The following ACAD9 variants were observed in gnomAD, a reference collection of about 807,000 sequenced individuals.
ACAD9 encodes acyl-CoA dehydrogenase family member 9, also known as complex I assembly factor ACAD9, mitochondrial.
Under a neutral mutation model 70.2 loss-of-function variants are expected in ACAD9, and 53 were observed. That is an observed-to-expected ratio of 0.75 (90% CI 0.61 to 0.95). The LOEUF (loss-of-function observed/expected upper bound fraction) is 0.95, where lower values mean the gene tolerates loss of function less well. Among genes scored for constraint, ACAD9 ranks in the 40% least tolerant of loss-of-function variants. ACAD9 has a pLI of 0.00. For missense variants in ACAD9, 777 were observed against 802.8 expected (o/e 0.97, Z 0.39); for synonymous variants, 313 against 312.1 (o/e 1.00, Z -0.03).
At chr3:128,900,764 G>T (rs1000009694) in intron 7 of ACAD9, among the ~76,000 whole-genome samples, 1 of 152,118 alleles carries the variant, frequency 6.6e-6, no homozygotes, top group Non-Finnish European at 1.5e-5. Context: ...GAAAGGGAGG[G>T]AGGTCCATCC....
intron 2 of ACAD9, among the ~76,000 whole-genome samples, chr3:128,893,030 A>G (rs909624291): frequency 6.6e-6 from 1 of 152,000 alleles, no homozygotes; most frequent in East Asian, 1.9e-4. Context: ...ATAGAACACC[A>G]CCTAGCTCTG....
Position 128,910,482 on chromosome 3 carries a change from C to A in ACAD9, c.1693-259C>A. The stretch of plus-strand genomic sequence containing the variant: ...CTGTATACCAGGATCTCTGCCTGCA[C>A]TTTCCAGAGCACCTGCAGATACCAG... On this transcript the variant is annotated intron_variant, in intron 16 of 17. Coordinates refer to ENST00000308982, the MANE Select transcript of ACAD9 (RefSeq NM_014049.5). 4.8e-6 allele frequency: 4 copies of A among 827,252 alleles called. No homozygotes were observed. The South Asian group carries it at 5.2e-5, about 11-fold the overall frequency. The allele number at this position is 827,252 out of a possible 1,614,324, so 51.2% of individuals were successfully genotyped here.
rs1243734392 is a variant in ACAD9, at chr3:128,913,096, C to T, written c.*489C>T. ...CCATTTAACAAAGAATATAAAATGT[C>T]ACAATCTGTGTACTGTTAGCCTTTG... On this transcript the variant is annotated 3_prime_UTR_variant, in exon 18 of 18. Coordinates refer to ENST00000308982, the MANE Select transcript of ACAD9 (RefSeq NM_014049.5). 6.6e-6 allele frequency: 3 copies of T among 452,638 alleles called. No homozygotes were observed. The highest frequency in any genetic ancestry group is 1.3e-5 in the Non-Finnish European group (3 of 225,154). 28.0% of individuals were successfully genotyped at this position (452,638 alleles called of 1,614,324 possible).
Position 128,901,545 on chromosome 3 carries a change from T to C in ACAD9, c.882+196T>C, listed in dbSNP as rs1680795. ...TCCTAGAAGAAGTGTATGGTAAGGA[T>C]TAGGAATTTCCCTTCACCTCTGAGG... is the stretch of plus-strand genomic sequence containing the variant. On this transcript the variant is annotated intron_variant, in intron 8 of 17. Transcript: ENST00000308982. Among the ~76,000 whole-genome samples the C allele has an allele frequency of 0.22, 33,933 of 152,094 alleles. 4,173 individuals carry two copies. Among genetic ancestry groups the C allele is most frequent in the East Asian group, 0.55 (2,856 of 5,154 alleles).
chr3:128,882,262 C>CT (rs1395022924), intron 1 of ACAD9, among the ~76,000 whole-genome samples: 1 of 152,220 alleles, frequency 6.6e-6, no homozygotes, highest in African/African-American at 2.4e-5. Context: ...AGATCCCAAA[C>CT]TGAGTTCCTG....
rs147705279 is a variant in ACAD9, at chr3:128,882,369, C to T, written c.151-2284C>T. Among the ~76,000 whole-genome samples, 353 of 152,312 alleles carry T rather than the reference C, an allele frequency of 2.3e-3. 1 individual carries two copies. Among genetic ancestry groups the T allele is most frequent in the African/African-American group, 8.0e-3 (334 of 41,558 alleles). On this transcript the variant is annotated intron_variant, in intron 1 of 17. Transcript: ENST00000308982. ...GTTCAAACAGAACACCTGGAGTCAC[C>T]TTGTACTCTTATTCTCCTAGTCCAC... is the stretch of plus-strand genomic sequence containing the variant.
chr3:128,907,432 C>T (rs1935925913), intron 12 of ACAD9, among the ~76,000 whole-genome samples: 1 of 152,162 alleles, frequency 6.6e-6, no homozygotes, highest in Non-Finnish European at 1.5e-5. Context: ...TTCAGGAAGC[C>T]CTCAAGGCCT....
intron 15 of ACAD9, 41 bp from the exon 16 acceptor site, chr3:128,909,980 T>C (rs761865368): frequency 6.2e-7 from 1 of 1,609,016 alleles, no homozygotes; most frequent in South Asian, 1.1e-5. Flanking sequence ...GGGGGACTGG[T>C]CTAGGTAGTG....
intron 17 of ACAD9, 55 bp downstream of exon 17, chr3:128,910,868 G>A: frequency 1.3e-6 from 2 of 1,586,640 alleles, no homozygotes; most frequent in Non-Finnish European, 1.7e-6. Context: ...GGCCCCTATT[G>A]ATGGTGAGCT....
chr3:128,910,794 CCT>C lies in ACAD9; in HGVS notation c.1752_1753del (p.Gln585AlafsTer11). The C allele has an allele frequency of 6.2e-7, 1 of 1,614,204 alleles. No homozygotes were observed. The highest frequency in any genetic ancestry group is 8.5e-7 in the Non-Finnish European group (1 of 1,180,046). On this transcript the variant is annotated frameshift_variant, in exon 17 of 18. Coordinates refer to ENST00000308982, the MANE Select transcript of ACAD9 (RefSeq NM_014049.5). LOFTEE classifies it high-confidence loss of function. ...VEAYLQNLFS[L>X]SQLDKYAPEN... The stretch of plus-strand genomic sequence containing the variant: ...AAGCTTACTTGCAGAATCTCTTCAG[CCT>C]CTCTCAGCTGGACAAGTGTGAGTGG...
intron 4 of ACAD9, 29 bp downstream of exon 4, chr3:128,895,445 C>T: frequency 6.4e-7 from 1 of 1,567,902 alleles, no homozygotes. Context: ...CTGTGTGGTG[C>T]TCTCTGTAGG....
At chr3:128,910,878 T>C in intron 17 of ACAD9, 65 bp downstream of exon 17, 1 of 1,569,788 alleles carries the variant, frequency 6.4e-7, no homozygotes, top group Non-Finnish European at 8.8e-7. Context: ...GATGGTGAGC[T>C]GTTTCTGGAC....
intron 2 of ACAD9, among the ~76,000 whole-genome samples, chr3:128,891,163 G>A (rs1036312063): frequency 2.6e-5 from 4 of 152,008 alleles, no homozygotes; most frequent in African/African-American, 9.7e-5. Flanking sequence ...TAGGAAAAAA[G>A]GATCTTGTAG....
Position 128,901,443 on chromosome 3 carries a change from A to T in ACAD9, c.882+94A>T, listed in dbSNP as rs926386526. The T allele has an allele frequency of 2.3e-5, 31 of 1,370,460 alleles. No homozygotes were observed. The Admixed American group carries it at 5.1e-4, about 22-fold the overall frequency. 84.9% of individuals were successfully genotyped at this position (1,370,460 alleles called of 1,614,324 possible). Reference sequence around the variant, plus strand: ...GCCCTATCCCTGCTCGTAGCAGAGTAGCCTGTGCATGGCAGGTGACTTTGC... The same window carrying T: ...GCCCTATCCCTGCTCGTAGCAGAGTTGCCTGTGCATGGCAGGTGACTTTGC... On this transcript the variant is annotated intron_variant, in intron 8 of 17. Transcript: ENST00000308982.
intron 4 of ACAD9, among the ~76,000 whole-genome samples, chr3:128,895,853 G>A (rs1935555194): frequency 6.6e-6 from 1 of 152,224 alleles, no homozygotes; most frequent in African/African-American, 2.4e-5. Context: ...TCATTACTCA[G>A]ATTATTTCTG....
In ACAD9 at chr3:128,904,413, G is replaced by T; in HGVS notation, c.1057G>T (p.Ala353Ser). 1 of 1,614,238 alleles carries T rather than the reference G, an allele frequency of 6.2e-7. No homozygotes were observed. Among genetic ancestry groups the T allele is most frequent in the East Asian group, 2.2e-5 (1 of 44,888 alleles). The change falls in exon 11 of 18, where the codon GCT (alanine) becomes TCT (serine). Residue 353 changes from alanine to serine, a missense_variant. Ala to Ser is a moderately conservative substitution (Grantham distance 99, BLOSUM62 1). Transcript: ENST00000308982. ...QEKFALMAQK[A>S]YVMESMTYLT... ...GAAATTTGCACTGATGGCTCAGAAG[G>T]CTTACGTCATGGAGAGTATGACCTA...
At chr3:128,882,357 A>G (rs1935120177) in intron 1 of ACAD9, among the ~76,000 whole-genome samples, 2 of 152,210 alleles carry the variant, frequency 1.3e-5, no homozygotes, top group Admixed American at 1.3e-4. Context: ...CAAACAGAAC[A>G]CCTGGAGTCA....
intron 1 of ACAD9, among the ~76,000 whole-genome samples, chr3:128,882,045 T>C (rs1243643989): frequency 6.6e-6 from 1 of 152,150 alleles, no homozygotes; most frequent in African/African-American, 2.4e-5. Context: ...TTGGGGGCTT[T>C]CTCTGTCACC....
At position 128,912,733 on chromosome 3, in the gene ACAD9, C is replaced by A. The variant is rs1164802259; in HGVS notation, c.*126C>A. 1 of 933,914 alleles carries A rather than the reference C, an allele frequency of 1.1e-6. No homozygotes were observed. Among genetic ancestry groups the A allele is most frequent in the Non-Finnish European group, 1.7e-6 (1 of 572,004 alleles). 57.9% of individuals were successfully genotyped at this position (933,914 alleles called of 1,614,324 possible). A position where few individuals can be genotyped will look rare whatever the true frequency, so the allele number is the denominator to read the frequency against. On this transcript the variant is annotated 3_prime_UTR_variant, in exon 18 of 18. Coordinates refer to ENST00000308982, the MANE Select transcript of ACAD9 (RefSeq NM_014049.5). ...TAAGCCTTTTGTTCCCCGTCTGCACCTGAAGGGTTGTCGCCTGGCCTGGGA... is the reference window on the plus strand; with the variant it reads ...TAAGCCTTTTGTTCCCCGTCTGCACATGAAGGGTTGTCGCCTGGCCTGGGA...
Sources: gnomAD v4.1 joint callset for allele counts (sites outside exome capture counted in the v4.1 genomes callset) on GRCh38, gnomAD v4.1.1 for gene constraint, MANE v1.5 for transcripts, NCBI Gene and HGNC (gene_info 2026-07-23, HGNC 2026-07-21) for gene names.